Variants in CDH18 observed in about 807,000 individuals in gnomAD.
The protein encoded by CDH18 is cadherin 18.
A neutral mutation model predicts 67.9 loss-of-function variants in CDH18; 31 were observed. The ratio of observed to expected loss-of-function variants is 0.46; its 90% confidence interval spans 0.34 to 0.62. The LOEUF is 0.62. CDH18 is among the 20% of genes least tolerant of loss of function. CDH18 has a pLI of 0.01. For missense variants in CDH18, 890 were observed against 975.5 expected (o/e 0.91, Z 1.17); for synonymous variants, 362 against 347.2 (o/e 1.04, Z -0.48).
chr5:19,729,756 T>C (rs1010646156), intron 4 of CDH18, among the ~76,000 whole-genome samples: 3 of 152,222 alleles, frequency 2.0e-5, no homozygotes, highest in African/African-American at 7.2e-5. Flanking sequence ...TAAATGGCTC[T>C]AGTGAAAATT....
At chr5:20,197,399 G>C (rs1739066511) in intron 2 of CDH18, among the ~76,000 whole-genome samples, 1 of 152,184 alleles carries the variant, frequency 6.6e-6, no homozygotes, top group African/African-American at 2.4e-5. Context: ...CAAAATATAT[G>C]AAGACAAATA....
At chr5:19,989,334 A>T (rs769513050), upstream of CDH18, among the ~76,000 whole-genome samples, 3 of 152,232 alleles carry the variant, frequency 2.0e-5, no homozygotes, top group Non-Finnish European at 2.9e-5. Flanking sequence ...GCCCAGGTTC[A>T]GAATGTTAAA....
chr5:19,557,410 C>T (rs1738634841), intron 8 of CDH18, among the ~76,000 whole-genome samples: 1 of 151,670 alleles, frequency 6.6e-6, no homozygotes, highest in Non-Finnish European at 1.5e-5. Context: ...TGACACAGGA[C>T]TAATATACTT....
intron 1 of CDH18, among the ~76,000 whole-genome samples, chr5:20,306,710 C>G (rs982749620): frequency 5.3e-5 from 8 of 152,068 alleles, no homozygotes; most frequent in African/African-American, 9.7e-5. Flanking sequence ...GGGGAAATCA[C>G]AAAGGTATGT....
chr5:19,612,659 A>T, intron 5 of CDH18, 58 bp from the exon 6 acceptor site: 1 of 1,228,578 alleles, frequency 8.1e-7, no homozygotes, highest in South Asian at 1.3e-5. Flanking sequence ...AGTATCAACA[A>T]ACATACACAT....
At chr5:20,254,485 G>A (rs1448003222) in intron 2 of CDH18, among the ~76,000 whole-genome samples, 1 of 152,110 alleles carries the variant, frequency 6.6e-6, no homozygotes, top group Non-Finnish European at 1.5e-5. Context: ...CATAGGTGCA[G>A]AAGAAATAAA....
chr5:20,019,971 G>A (rs1046640316), intron 2 of CDH18, among the ~76,000 whole-genome samples: 2 of 152,172 alleles, frequency 1.3e-5, no homozygotes, highest in African/African-American at 4.8e-5. Context: ...GCCTGAGGTA[G>A]TCTCAGATAG....
At chr5:20,056,473 C>CTTTTTTTT (rs1561754004) in intron 2 of CDH18, among the ~76,000 whole-genome samples, 3 of 13,562 alleles carry the variant, frequency 2.2e-4, no homozygotes, top group Non-Finnish European at 3.3e-4. Flanking sequence ...TATTTTCTTT[C>CTTTTTTTT]TTTTGTTTTT....
At chr5:19,549,812 AAAAG>A (rs1242428158) in intron 8 of CDH18, among the ~76,000 whole-genome samples, 1 of 151,298 alleles carries the variant, frequency 6.6e-6, no homozygotes, top group Non-Finnish European at 1.5e-5. Flanking sequence ...AAAAGAAAGA[AAAAG>A]AAAGGGAGGG....
chr5:20,112,224 C>T (rs1042659149), intron 2 of CDH18, among the ~76,000 whole-genome samples: 2 of 152,094 alleles, frequency 1.3e-5, no homozygotes, highest in Non-Finnish European at 2.9e-5. Context: ...CCAAATAATC[C>T]ACCCCAAGTC....
intron 2 of CDH18, among the ~76,000 whole-genome samples, chr5:19,926,787 G>T (rs6862924): frequency 0.87 from 131,648 of 151,790 alleles, 57,788 homozygotes; most frequent in South Asian, 0.97. Context: ...TTCTGAAAAG[G>T]TATGCCAAGA....
chr5:20,179,842 CTT>C (rs1237617041), intron 2 of CDH18, among the ~76,000 whole-genome samples: 2 of 152,082 alleles, frequency 1.3e-5, no homozygotes, highest in Non-Finnish European at 2.9e-5. Context: ...CTCCATTTCT[CTT>C]TGATTGAGCA....
intron 3 of CDH18, among the ~76,000 whole-genome samples, chr5:19,792,997 G>C (rs1403653005): frequency 6.6e-6 from 1 of 151,976 alleles, no homozygotes; most frequent in Non-Finnish European, 1.5e-5. Context: ...TTGGCATTTG[G>C]GACAGTGAAA....
chr5:20,030,172 A>T (rs551054309), intron 2 of CDH18, among the ~76,000 whole-genome samples: 1 of 152,212 alleles, frequency 6.6e-6, no homozygotes, highest in African/African-American at 2.4e-5. Flanking sequence ...ACCCAAGAAG[A>T]GTGTGACTTT....
At chr5:20,270,948 C>G (rs1237227524) in intron 1 of CDH18, among the ~76,000 whole-genome samples, 1 of 151,880 alleles carries the variant, frequency 6.6e-6, no homozygotes, top group African/African-American at 2.4e-5. Context: ...ACATGGGCCA[C>G]ATAGAGGGGA....
intron 2 of CDH18, among the ~76,000 whole-genome samples, chr5:20,004,666 G>A (rs775906826): frequency 6.6e-6 from 1 of 152,200 alleles, no homozygotes. Context: ...AAATTTAAAA[G>A]ATGTCAAACC....
chr5:20,205,150 T>C lies in CDH18; in HGVS notation c.-518+50294A>G, dbSNP rs2102435. On this transcript the variant is annotated intron_variant, in intron 2 of 14. Coordinates refer to the CDH18 transcript ENST00000507958. ...TATAGGAACAAGAACCCACTTAACC[T>C]ATAAATGCGTACATATACTGAAGGT... Among the ~76,000 whole-genome samples the C allele has an allele frequency of 5.2e-3, 795 of 151,976 alleles. 10 individuals are homozygous for C. The highest frequency in any genetic ancestry group is 0.018 in the African/African-American group (757 of 41,520).
chr5:19,950,180 C>A (rs1795656493), intron 2 of CDH18, among the ~76,000 whole-genome samples: 1 of 151,636 alleles, frequency 6.6e-6, no homozygotes, highest in Non-Finnish European at 1.5e-5. Context: ...CCATGAAATA[C>A]TACTAAGATA....
chr5:19,768,110 A>T (rs1773314568), intron 3 of CDH18, among the ~76,000 whole-genome samples: 1 of 152,060 alleles, frequency 6.6e-6, no homozygotes, highest in South Asian at 2.1e-4. Flanking sequence ...ATACCCCTAA[A>T]ATTCTAATTA....
Sources: gnomAD v4.1 joint callset for allele counts (sites outside exome capture counted in the v4.1 genomes callset) on GRCh38, gnomAD v4.1.1 for gene constraint, MANE v1.5 for transcripts, NCBI Gene and HGNC (gene_info 2026-07-23, HGNC 2026-07-21) for gene names.